The following PCNX2 variants were observed in gnomAD, a reference collection of about 807,000 sequenced individuals.
PCNX2 encodes the protein pecanex 2.
Under a neutral mutation model 223.8 loss-of-function variants are expected in PCNX2, and 168 were observed. That is an observed-to-expected ratio of 0.75 (90% CI 0.66 to 0.85). The LOEUF (loss-of-function observed/expected upper bound fraction) is 0.85. Among genes scored for constraint, PCNX2 ranks in the 40% least tolerant of loss-of-function variants. PCNX2 has a pLI of 0.00. For synonymous variants in PCNX2, 1,006 were observed against 1,052.6 expected (o/e 0.96, Z 0.86); for missense variants, 2,507 against 2,675.5 (o/e 0.94, Z 1.39).
chr1:233,187,116 A>G (rs1680140062), intron 15 of PCNX2, among the ~76,000 whole-genome samples: 1 of 152,234 alleles, frequency 6.6e-6, no homozygotes, highest in African/African-American at 2.4e-5. Context: ...AAACACAGCA[A>G]CAGCTCCCAT....
At chr1:233,156,369 A>C (rs1678124387) in intron 19 of PCNX2, among the ~76,000 whole-genome samples, 1 of 152,242 alleles carries the variant, frequency 6.6e-6, no homozygotes, top group Non-Finnish European at 1.5e-5. Flanking sequence ...CACCAAGTTT[A>C]AAGTTTGTTC....
chr1:233,299,261 C>T (rs1558439802), upstream of PCNX2, among the ~76,000 whole-genome samples: 1 of 152,174 alleles, frequency 6.6e-6, no homozygotes, highest in Non-Finnish European at 1.5e-5. Context: ...CATGTCTTAT[C>T]GATTTTATTT....
chr1:232,995,742 T>C (rs554207446), intron 32 of PCNX2, among the ~76,000 whole-genome samples: 1 of 152,304 alleles, frequency 6.6e-6, no homozygotes, highest in African/African-American at 2.4e-5. Flanking sequence ...CTGTGATTGC[T>C]CCTGTAAATG....
chr1:233,185,596 C>T (rs1454083968), intron 15 of PCNX2, among the ~76,000 whole-genome samples: 1 of 152,128 alleles, frequency 6.6e-6, no homozygotes, highest in Non-Finnish European at 1.5e-5. Flanking sequence ...GAGCTACCTG[C>T]CTATTTCAGT....
At chr1:233,264,612 A>T (rs577508506) in intron 1 of PCNX2, among the ~76,000 whole-genome samples, 5 of 152,174 alleles carry the variant, frequency 3.3e-5, no homozygotes, top group Admixed American at 6.5e-5. Flanking sequence ...TCATGGGGGG[A>T]AAAGTCCACA....
At chr1:233,158,192 C>T (rs1048496853) in intron 19 of PCNX2, among the ~76,000 whole-genome samples, 1 of 152,088 alleles carries the variant, frequency 6.6e-6, no homozygotes, top group Non-Finnish European at 1.5e-5. Flanking sequence ...AACCAGAAAC[C>T]GAGTTGTTAA....
chr1:233,047,828 T>G (rs2102867345), intron 25 of PCNX2, among the ~76,000 whole-genome samples: 2 of 152,020 alleles, frequency 1.3e-5, no homozygotes, highest in East Asian at 3.9e-4. Context: ...ACAAAGAAAT[T>G]CTGGACTTAA....
At chr1:233,150,940 T>A (rs538536104) in intron 19 of PCNX2, among the ~76,000 whole-genome samples, 68 of 152,296 alleles carry the variant, frequency 4.5e-4, no homozygotes, top group African/African-American at 1.6e-3. Flanking sequence ...CTTTTTCACA[T>A]GAAAAAGGTT....
In PCNX2 at chr1:232,998,249, A is replaced by G. The variant is rs754216086; in HGVS notation, c.5791+2T>C. ...TAGTTTGGAGGCCCCTGCTGCACCC[A>G]CCTGTTCTCTGTGTCCCTTCACAGG... On this transcript the variant is annotated splice_donor_variant, in intron 32 of 33. Coordinates refer to ENST00000258229, the MANE Select transcript of PCNX2 (RefSeq NM_014801.4). LOFTEE classifies it high-confidence loss of function. 9 of 1,565,920 alleles carry G rather than the reference A, an allele frequency of 5.7e-6. No individual in the cohort carries two copies. The South Asian group carries it at 1.1e-4, about 19-fold the overall frequency.
At chr1:233,205,843 T>C (rs2102905356) in intron 13 of PCNX2, among the ~76,000 whole-genome samples, 1 of 152,334 alleles carries the variant, frequency 6.6e-6, no homozygotes, top group East Asian at 1.9e-4. Flanking sequence ...CTGCTTTGCC[T>C]TTTCTGAGCG....
the PCNX2 span, among the ~76,000 whole-genome samples, chr1:233,317,089 A>G: frequency 1.3e-5 from 2 of 152,190 alleles, no homozygotes; most frequent in Non-Finnish European, 2.9e-5. Context: ...GATTTATTGC[A>G]GCATTGTTCA....
chr1:233,231,565 G>T, intron 9 of PCNX2: 1 of 870,700 alleles, frequency 1.1e-6, no homozygotes, highest in Non-Finnish European at 1.4e-6. Context: ...CTTGGGGGGT[G>T]GATATTGAAA....
chr1:233,269,712 A>T (rs1660528955), intron 1 of PCNX2, among the ~76,000 whole-genome samples: 2 of 152,198 alleles, frequency 1.3e-5, no homozygotes. Flanking sequence ...CTAATAAATG[A>T]AGCATTAATC....
At chr1:233,325,769 A>G in the PCNX2 span, among the ~76,000 whole-genome samples, 1 of 152,232 alleles carries the variant, frequency 6.6e-6, no homozygotes, top group African/African-American at 2.4e-5. Context: ...TGCTATGAAC[A>G]TTTTGAAACG....
intron 17 of PCNX2, among the ~76,000 whole-genome samples, chr1:233,162,775 A>G (rs1038445094): frequency 2.0e-5 from 3 of 152,186 alleles, no homozygotes; most frequent in African/African-American, 7.2e-5. Flanking sequence ...ACATGGTTTT[A>G]TGTCATTTAA....
chr1:233,092,406 A>G (rs1468032594), intron 22 of PCNX2, among the ~76,000 whole-genome samples: 4 of 152,220 alleles, frequency 2.6e-5, no homozygotes, highest in Non-Finnish European at 5.9e-5. Flanking sequence ...AAATTTCCCC[A>G]GAGATTACAC....
Position 233,263,080 on chromosome 1 carries a change from A to T in PCNX2, c.237T>A (p.Tyr79Ter). ...CTTTGTCAAACATGAGGTGTAGGCGATAACTGACCAGTTTGATTATTGTGA... is the reference window on the plus strand; with the variant it reads ...CTTTGTCAAACATGAGGTGTAGGCGTTAACTGACCAGTTTGATTATTGTGA... Reference protein sequence around the residue: ...IFFTIIKLVSYRLHLMFDKGE... With the variant: ...IFFTIIKLVS The change falls in exon 2 of 34, where the codon TAT (tyrosine) becomes TAA (stop). Residue 79 changes from tyrosine to a stop codon, truncating the protein, a stop_gained. Coordinates refer to ENST00000258229, the MANE Select transcript of PCNX2 (RefSeq NM_014801.4). LOFTEE classifies it high-confidence loss of function. The T allele has an allele frequency of 6.2e-7, 1 of 1,613,508 alleles. No individual in the cohort carries two copies. The highest frequency in any genetic ancestry group is 1.3e-5 in the African/African-American group (1 of 75,054).
chr1:233,055,902 G>A (rs1400250244), intron 24 of PCNX2, among the ~76,000 whole-genome samples: 1 of 152,130 alleles, frequency 6.6e-6, no homozygotes, highest in African/African-American at 2.4e-5. Context: ...AGGTGAAGAT[G>A]CCCCAAGTGC....
intron 25 of PCNX2, among the ~76,000 whole-genome samples, chr1:233,026,503 C>T (rs188349983): frequency 3.9e-5 from 6 of 152,164 alleles, no homozygotes; most frequent in East Asian, 1.9e-4. Context: ...AAAGGACTGT[C>T]GAGGGAACAA....
Sources: gnomAD v4.1 joint callset for allele counts (sites outside exome capture counted in the v4.1 genomes callset) on GRCh38, gnomAD v4.1.1 for gene constraint, MANE v1.5 for transcripts, NCBI Gene and HGNC (gene_info 2026-07-23, HGNC 2026-07-21) for gene names.